RHCE: variants seen among roughly 807,000 people sequenced by gnomAD.
RHCE encodes blood group Rh(CE) polypeptide.
A neutral mutation model predicts 43.8 loss-of-function variants in RHCE; 22 were observed. The ratio of observed to expected loss-of-function variants is 0.50; its 90% confidence interval spans 0.36 to 0.72. The LOEUF (loss-of-function observed/expected upper bound fraction) is 0.72. Among genes scored for constraint, RHCE ranks in the 30% least tolerant of loss-of-function variants. The pLI, the probability that RHCE is intolerant of heterozygous loss-of-function variation, is 0.00. For missense variants in RHCE, 385 were observed against 525.4 expected, an observed-to-expected ratio of 0.73 and a Z score of 2.61; for synonymous variants, 156 against 210.7, an observed-to-expected ratio of 0.74 and a Z score of 2.25.
intron 2 of RHCE, among the ~76,000 whole-genome samples, chr1:25,406,260 T>C (rs34265748): frequency 0.072 from 8,253 of 115,312 alleles, 1,404 homozygotes; most frequent in African/African-American, 0.19. Context: ...CGTGTGTGTG[T>C]GTGTGTGTGT....
intron 2 of RHCE, among the ~76,000 whole-genome samples, chr1:25,425,883 T>C (rs1221201566): frequency 6.6e-6 from 1 of 152,254 alleles, no homozygotes; most frequent in Non-Finnish European, 1.5e-5. Flanking sequence ...GTGACCTTGC[T>C]CTGGGCACGT....
intron 7 of RHCE, among the ~76,000 whole-genome samples, chr1:25,379,485 ATATATATATATTTT>A (rs1273905820): frequency 1.5e-4 from 3 of 19,492 alleles, no homozygotes; most frequent in South Asian, 2.6e-3. Context: ...ATATATATAT[ATATATATATATTTT>A]TTTTTTTTTT....
intron 7 of RHCE, among the ~76,000 whole-genome samples, chr1:25,376,654 C>T (rs1645795899): frequency 6.6e-6 from 1 of 152,188 alleles, no homozygotes; most frequent in African/African-American, 2.4e-5. Flanking sequence ...GTGGCTCACA[C>T]CTGTAATCCC....
intron 7 of RHCE, among the ~76,000 whole-genome samples, chr1:25,378,145 A>T (rs1490252495): frequency 1.3e-5 from 2 of 152,236 alleles, no homozygotes; most frequent in African/African-American, 4.8e-5. Flanking sequence ...CTAAATGACT[A>T]ATCAAAAAGA....
intron 8 of RHCE, among the ~76,000 whole-genome samples, chr1:25,372,915 C>CG (rs1645657573): frequency 1.3e-5 from 2 of 151,644 alleles, no homozygotes; most frequent in Non-Finnish European, 2.9e-5. Context: ...ACTGATCCTC[C>CG]CATCTCAGCC....
At chr1:25,379,530 G>C (rs1645929750) in intron 7 of RHCE, among the ~76,000 whole-genome samples, 1 of 111,474 alleles carries the variant, frequency 9.0e-6, no homozygotes, top group African/African-American at 3.3e-5. Context: ...TTAAAGATGG[G>C]ATTTTGCTCT....
chr1:25,419,552 G>A (rs1445373471), intron 1 of RHCE, among the ~76,000 whole-genome samples: 1 of 152,102 alleles, frequency 6.6e-6, no homozygotes, highest in Non-Finnish European at 1.5e-5. Flanking sequence ...CTTTGTCTCA[G>A]GGACATTCTT....
At chr1:25,384,616 T>C (rs1313111312) in intron 7 of RHCE, among the ~76,000 whole-genome samples, 1 of 152,198 alleles carries the variant, frequency 6.6e-6, no homozygotes, top group Non-Finnish European at 1.5e-5. Context: ...CAAGCAAGGA[T>C]GTCTCACCCA....
At chr1:25,409,778 CT>C (rs1557637570) in intron 1 of RHCE, among the ~76,000 whole-genome samples, 1 of 149,242 alleles carries the variant, frequency 6.7e-6, no homozygotes, top group Admixed American at 6.8e-5. Flanking sequence ...CATAGACTAT[CT>C]TGTTTCGTTC....
intron 2 of RHCE, 51 bp from the exon 3 acceptor site, chr1:25,402,797 A>C (rs113572044): frequency 5.0e-6 from 8 of 1,604,058 alleles, no homozygotes. Context: ...GATGCCTCTC[A>C]CTCATTCATT....
intron 3 of RHCE, among the ~76,000 whole-genome samples, chr1:25,401,056 G>T (rs184047926): frequency 6.6e-6 from 1 of 152,140 alleles, no homozygotes; most frequent in Admixed American, 6.5e-5. Context: ...CCAGAAGCCA[G>T]AGTATCTTAA....
rs1044168502 is a variant in RHCE at position 25,402,449 on chromosome 1, C to T, written c.486+147G>A. Reference sequence around the variant, plus strand: ...CTATGATGCCCAGGCGGGTCTCAAACTCCTGGCCTCAAGTGATCTTCCCTC... The same window carrying T: ...CTATGATGCCCAGGCGGGTCTCAAATTCCTGGCCTCAAGTGATCTTCCCTC... On this transcript the variant is annotated intron_variant, in intron 3 of 9. Transcript: ENST00000294413. The T allele has an allele frequency of 4.8e-6, 5 of 1,042,460 alleles. No individual in the cohort carries two copies. The Admixed American group carries it at 5.8e-5, about 12-fold the overall frequency. The allele number at this position is 1,042,460 out of a possible 1,614,324, so 64.6% of individuals were successfully genotyped here. A position where few individuals can be genotyped will look rare whatever the true frequency, so the allele number is the denominator to read the frequency against.
chr1:25,377,077 T>C (rs1186174617), intron 7 of RHCE, among the ~76,000 whole-genome samples: 2 of 152,142 alleles, frequency 1.3e-5, no homozygotes, highest in African/African-American at 4.8e-5. Context: ...GCCATCTTTG[T>C]ATATATTCAA....
At chr1:25,370,625 A>G in intron 8 of RHCE, 85 bp from the exon 9 acceptor site, 1 of 1,195,158 alleles carries the variant, frequency 8.4e-7, no homozygotes, top group South Asian at 1.2e-5. Context: ...GTGTGTGTCA[A>G]AACGACAGTG....
At chr1:25,392,648 G>A (rs1646414172) in intron 3 of RHCE, among the ~76,000 whole-genome samples, 1 of 132,742 alleles carries the variant, frequency 7.5e-6, no homozygotes, top group African/African-American at 2.8e-5. Flanking sequence ...ACAGCTCACT[G>A]TAGTCTCCAA....
At chr1:25,422,718 G>T (rs960373629), upstream of RHCE, among the ~76,000 whole-genome samples, 3 of 152,132 alleles carry the variant, frequency 2.0e-5, no homozygotes, top group African/African-American at 7.2e-5. Flanking sequence ...CTAGATCAGG[G>T]GTCCCCAACC....
At chr1:25,396,306 T>A (rs1395977917) in intron 3 of RHCE, among the ~76,000 whole-genome samples, 1 of 152,230 alleles carries the variant, frequency 6.6e-6, no homozygotes, top group African/African-American at 2.4e-5. Context: ...ACAAAAAATA[T>A]GTATTTTTTT....
At chr1:25,423,974 G>A (rs999779677), upstream of RHCE, among the ~76,000 whole-genome samples, 2 of 152,094 alleles carry the variant, frequency 1.3e-5, no homozygotes, top group Non-Finnish European at 2.9e-5. Flanking sequence ...TTGACTTAAC[G>A]CTTTTCAACT....
intron 2 of RHCE, among the ~76,000 whole-genome samples, chr1:25,407,531 G>A (rs953565321): frequency 1.6e-5 from 2 of 123,184 alleles, no homozygotes; most frequent in African/African-American, 5.0e-5. Flanking sequence ...AGTGCCCAGA[G>A]GTTTAGCAGG....
Sources: allele counts gnomAD v4.1 joint callset (sites outside exome capture counted in the v4.1 genomes callset), GRCh38; gene constraint gnomAD v4.1.1; transcripts MANE v1.5; gene names NCBI Gene and HGNC (gene_info 2026-07-23, HGNC 2026-07-21).